The following PACS1 variants were observed in gnomAD, a reference collection of about 807,000 sequenced individuals.
PACS1 encodes the protein phosphofurin acidic cluster sorting protein 1.
Under a neutral mutation model 115.0 loss-of-function variants are expected in PACS1, and 24 were observed. The ratio of observed to expected loss-of-function variants is 0.21; its 90% confidence interval spans 0.15 to 0.29. The LOEUF (loss-of-function observed/expected upper bound fraction) is 0.29. PACS1 is among the 10% of genes least tolerant of loss of function. The probability of loss-of-function intolerance (pLI) is 1.00; values close to 1 mark genes in which losing one functional copy is unlikely to be tolerated. For missense variants in PACS1, 838 were observed against 1,251.2 expected (o/e 0.67, Z 4.98); for synonymous variants, 453 against 504.5 (o/e 0.90, Z 1.37).
intron 2 of PACS1, among the ~76,000 whole-genome samples, chr11:66,205,388 A>T (rs1356368359): frequency 6.6e-6 from 1 of 152,012 alleles, no homozygotes; most frequent in African/African-American, 2.4e-5. Flanking sequence ...TAGTACATTT[A>T]AAAATAACTA....
intron 2 of PACS1, among the ~76,000 whole-genome samples, chr11:66,206,241 A>G (rs1273661751): frequency 6.6e-6 from 1 of 152,224 alleles, no homozygotes; most frequent in Non-Finnish European, 1.5e-5. Flanking sequence ...TATTAAATAT[A>G]AATGGTTTTG....
At chr11:66,219,480 A>G in intron 7 of PACS1, 1 of 603,928 alleles carries the variant, frequency 1.7e-6, no homozygotes. Flanking sequence ...GGAGACCCAC[A>G]TTTGGGAGGT....
intron 1 of PACS1, among the ~76,000 whole-genome samples, chr11:66,150,018 G>C (rs1016289349): frequency 6.6e-6 from 1 of 152,014 alleles, no homozygotes; most frequent in Non-Finnish European, 1.5e-5. Flanking sequence ...CAAAGTGCTG[G>C]GATTACAGGC....
chr11:66,151,264 G>A (rs1270497978), intron 1 of PACS1, among the ~76,000 whole-genome samples: 3 of 151,732 alleles, frequency 2.0e-5, no homozygotes, highest in Non-Finnish European at 2.9e-5. Context: ...GATCTGTGAG[G>A]TTCATGCTTT....
At position 66,235,335 on chromosome 11, in the gene PACS1, C is replaced by T. The variant is rs61736585; in HGVS notation, c.2139C>T (p.Tyr713=). ...QLDVAGRVMQ[Y]VNGAATTHQL... The stretch of plus-strand genomic sequence containing the variant: ...ACGTGGCAGGGCGGGTGATGCAGTA[C>T]GTCAACGGGGCAGCCACGACACACC... Residue 713 remains tyrosine, a synonymous_variant, in exon 18 of 24, where the codon TAC becomes TAT. Transcript: ENST00000320580. The surrounding 1 kb of genome is among the most constrained non-coding windows in gnomAD (Gnocchi z 5.6). 1.2e-4 allele frequency: 200 copies of T among 1,613,956 alleles called. No individual in the cohort carries two copies. In the African/African-American group the frequency reaches 1.8e-3, roughly 15 times the overall value.
Position 66,230,641 on chromosome 11 carries a change from C to A in PACS1, c.1468C>A (p.Leu490Ile). 2.5e-6 allele frequency: 4 copies of A among 1,613,984 alleles called. No individual in the cohort carries two copies. Among genetic ancestry groups the A allele is most frequent in the Non-Finnish European group, 3.4e-6 (4 of 1,179,804 alleles). Reference protein sequence around the residue: ...KTPMKSSKTDLQGSASPSKVE... With the variant: ...KTPMKSSKTDIQGSASPSKVE... ...TCCCATGAAGTCCAGTAAAACGGATCTCCAGGGCTCTGCCTCCCCCAGGTA... is the reference window on the plus strand; with the variant it reads ...TCCCATGAAGTCCAGTAAAACGGATATCCAGGGCTCTGCCTCCCCCAGGTA... Residue 490 changes from leucine to isoleucine, a missense_variant, in exon 12 of 24, where the codon CTC becomes ATC. By Grantham distance (5) the Leu-to-Ile change is conservative. Around this residue, in one of 6 missense-constraint regions of PACS1, gnomAD observed 383 missense variants for 537.0 expected, o/e 0.71. Transcript: ENST00000320580.
chr11:66,100,769 G>A (rs910086648), intron 1 of PACS1: 2 of 456,236 alleles, frequency 4.4e-6, no homozygotes, highest in Non-Finnish European at 4.4e-6. Context: ...CTCCCTCACC[G>A]TGTGATGTCT....
chr11:66,146,919 T>A (rs11823726), intron 1 of PACS1, among the ~76,000 whole-genome samples: 23,318 of 152,002 alleles, frequency 0.15, 2,036 homozygotes, highest in Admixed American at 0.27. Flanking sequence ...TAGCTAGGCA[T>A]GATGGCACAT....
intron 10 of PACS1, among the ~76,000 whole-genome samples, chr11:66,222,313 G>A (rs140452136): frequency 1.2e-4 from 18 of 152,198 alleles, no homozygotes; most frequent in African/African-American, 4.3e-4. Context: ...GGGGAGCAGT[G>A]CCCCGAGAAA....
chr11:66,117,780 G>A (rs1211154413), intron 1 of PACS1, among the ~76,000 whole-genome samples: 2 of 152,040 alleles, frequency 1.3e-5, no homozygotes, highest in Admixed American at 1.3e-4. Flanking sequence ...CAGGAGGTGA[G>A]GTTGCAGTGA....
intron 10 of PACS1, among the ~76,000 whole-genome samples, chr11:66,223,188 G>C (rs1855395652): frequency 6.6e-6 from 1 of 151,992 alleles, no homozygotes; most frequent in Non-Finnish European, 1.5e-5. Context: ...CACCTCCCGG[G>C]TGCCAGCGAT....
chr11:66,225,368 A>G (rs1261005685), intron 10 of PACS1, among the ~76,000 whole-genome samples: 2 of 152,266 alleles, frequency 1.3e-5, no homozygotes, highest in Admixed American at 6.5e-5. Flanking sequence ...CTTTTGGGGG[A>G]AAAAGCCCTT....
rs1424054558 is a variant in PACS1 at position 66,238,859 on chromosome 11, C to T, written c.2293+13C>T. ...CCCTCCACAGCAGGTGAGGCTGGGG[C>T]TCCCTTGTTCTGTGGAGTGAGGCTG... On this transcript the variant is annotated intron_variant, in intron 20 of 23. Coordinates refer to ENST00000320580, the MANE Select transcript of PACS1 (RefSeq NM_018026.4). The T allele has an allele frequency of 2.5e-6, 4 of 1,569,664 alleles. No homozygotes were observed. The highest frequency in any genetic ancestry group is 1.4e-5 in the African/African-American group (1 of 74,054).
At chr11:66,242,653 T>C (rs1449709351) in intron 22 of PACS1, among the ~76,000 whole-genome samples, 1 of 152,132 alleles carries the variant, frequency 6.6e-6, no homozygotes, top group Non-Finnish European at 1.5e-5. Flanking sequence ...AGAGACCATC[T>C]GGACCAAGGT....
chr11:66,166,448 G>A (rs1455821308), intron 1 of PACS1, among the ~76,000 whole-genome samples: 1 of 143,738 alleles, frequency 7.0e-6, no homozygotes, highest in East Asian at 1.9e-4. Flanking sequence ...TGCACAGCCT[G>A]ATGTCACATC....
intron 1 of PACS1, among the ~76,000 whole-genome samples, chr11:66,108,782 G>A (rs1252093992): frequency 1.3e-5 from 2 of 151,878 alleles, no homozygotes; most frequent in Admixed American, 1.3e-4. Flanking sequence ...AAGAGAGAAA[G>A]AGAGAAGAGA....
chr11:66,194,383 A>G (rs190062724), intron 2 of PACS1, among the ~76,000 whole-genome samples: 3 of 152,320 alleles, frequency 2.0e-5, no homozygotes, highest in East Asian at 1.9e-4. Flanking sequence ...AACTCCTTAC[A>G]TTTGGTATAT....
Position 66,211,236 on chromosome 11 carries a change from G to C in PACS1, c.637G>C (p.Val213Leu). 3 of 1,613,624 alleles carry C rather than the reference G, an allele frequency of 1.9e-6. No homozygotes were observed. The highest frequency in any genetic ancestry group is 2.5e-6 in the Non-Finnish European group (3 of 1,179,642). Residue 213 changes from valine (V) to leucine (L), a missense_variant, in exon 4 of 24, where the codon GTG (valine) becomes CTG (leucine). By Grantham distance (32) the Val-to-Leu change is conservative (BLOSUM62 1). Transcript: ENST00000320580. ...RTILGYKTLA[V>L]GLINMAEVMQ... ...CATCTTGGGCTATAAGACCTTGGCCGTGGGACTCATCAACATGGCAGAGGT... is the reference window on the plus strand; with the variant it reads ...CATCTTGGGCTATAAGACCTTGGCCCTGGGACTCATCAACATGGCAGAGGT...
chr11:66,141,653 CA>C (rs146519414), intron 1 of PACS1, among the ~76,000 whole-genome samples: 26,023 of 117,770 alleles, frequency 0.22, 2,268 homozygotes, highest in Middle Eastern at 0.35. Context: ...GACTCCATCT[CA>C]AAAAAAAAAA....
Sources: allele counts gnomAD v4.1 joint callset (sites outside exome capture counted in the v4.1 genomes callset), GRCh38; gene constraint gnomAD v4.1.1; regional missense constraint gnomAD v4.1.1; non-coding constraint Gnocchi (gnomAD v3.1); transcripts MANE v1.5; gene names NCBI Gene and HGNC (gene_info 2026-07-23, HGNC 2026-07-21).